Variants in PCDHGB2 observed in about 807,000 individuals in gnomAD.
PCDHGB2 encodes protocadherin gamma subfamily B, 2.
In PCDHGB2, 55 loss-of-function variants were observed where a neutral mutation model predicts 59.3. The ratio of observed to expected loss-of-function variants is 0.93; its 90% CI spans 0.75 to 1.16. PCDHGB2 has a LOEUF of 1.16. Among genes scored for constraint, PCDHGB2 ranks in the 50% most tolerant of loss-of-function variants. The pLI, the probability that PCDHGB2 is intolerant of heterozygous loss-of-function variation, is 0.00. For synonymous variants in PCDHGB2, 516 were observed against 512.0 expected (o/e 1.01, Z -0.11); for missense variants, 1,228 against 1,198.5 (o/e 1.02, Z -0.36).
At chr5:141,398,850 A>G in intron 1 of PCDHGB2, 20 of 1,613,982 alleles carry the variant, frequency 1.2e-5, no homozygotes, top group Non-Finnish European at 1.6e-5. Flanking sequence ...ATCCCCCGGT[A>G]TTCAACCGAG....
At chr5:141,370,145 T>C in intron 1 of PCDHGB2, 1 of 438,916 alleles carries the variant, frequency 2.3e-6, no homozygotes. Context: ...TTAGTCACCA[T>C]TACTGCAGTT....
chr5:141,459,044 A>T (rs2098959649), intron 1 of PCDHGB2, among the ~76,000 whole-genome samples: 1 of 152,204 alleles, frequency 6.6e-6, no homozygotes, highest in Non-Finnish European at 1.5e-5. Flanking sequence ...TACCAGCTAT[A>T]TTGAAGTATA....
chr5:141,394,567 G>A, intron 1 of PCDHGB2: 1 of 1,614,040 alleles, frequency 6.2e-7, no homozygotes, highest in Non-Finnish European at 8.5e-7. Flanking sequence ...GCAGAGCGTG[G>A]CTACCTGGTG....
intron 1 of PCDHGB2, chr5:141,419,816 C>T (rs910172118): frequency 1.2e-6 from 2 of 1,614,058 alleles, no homozygotes; most frequent in Non-Finnish European, 8.5e-7. Context: ...AGGACAGCCA[C>T]CCCTTTCAGC....
rs778198822 is a variant in PCDHGB2, at chr5:141,432,802, A to C, written c.2422-62005A>C. 6.2e-7 allele frequency: 1 copy of C among 1,614,082 alleles called. No homozygotes were observed. The highest frequency in any genetic ancestry group is 1.1e-5 in the South Asian group (1 of 91,076). The stretch of plus-strand genomic sequence containing the variant: ...CGGACCTCGGCAGCCTCGAGTCTCC[A>C]GCTAACTCTGAAACCTCAGACCTCA... On this transcript the variant is annotated intron_variant, in intron 1 of 3. Transcript: ENST00000522605. This position sits in a 1 kb window ranked among gnomAD's most constrained non-coding sequence, Gnocchi z 6.0.
intron 1 of PCDHGB2, chr5:141,399,485 A>G (rs760899297): frequency 4.7e-5 from 76 of 1,613,904 alleles, no homozygotes; most frequent in Non-Finnish European, 6.1e-5. Context: ...CAGGCGTCCT[A>G]CTTAGTCAGT....
chr5:141,491,861 C>A lies in PCDHGB2; in HGVS notation c.2422-2946C>A. ...GGATCATTGGACCGTTTGCGCGAAA[C>A]CAGAGTGGCCGATTAAGGGATGGGG... On this transcript the variant is annotated intron_variant, in intron 1 of 3. Transcript: ENST00000522605. The surrounding 1 kb of genome is among the most constrained non-coding windows in gnomAD (Gnocchi z 6.9). 6.9e-7 allele frequency: 1 copy of A among 1,455,272 alleles called. No homozygotes were observed. The highest frequency in any genetic ancestry group is 9.1e-7 in the Non-Finnish European group (1 of 1,100,930). The allele number at this position is 1,455,272 out of a possible 1,614,324, so 90.1% of individuals were successfully genotyped here.
intron 1 of PCDHGB2, chr5:141,441,650 G>C (rs932742795): frequency 8.4e-6 from 2 of 238,510 alleles, no homozygotes; most frequent in African/African-American, 2.4e-5. Context: ...TGTGATTCTA[G>C]GTGTCCTTGA....
intron 1 of PCDHGB2, chr5:141,475,966 A>T (rs1252698069): frequency 2.3e-6 from 2 of 888,664 alleles, no homozygotes; most frequent in Admixed American, 5.2e-5. Flanking sequence ...GGGATGAGGC[A>T]GAGACTGAAC....
At chr5:141,467,131 C>A (rs1441537783) in intron 1 of PCDHGB2, among the ~76,000 whole-genome samples, 1 of 151,702 alleles carries the variant, frequency 6.6e-6, no homozygotes, top group African/African-American at 2.4e-5. Flanking sequence ...CAGCTCACTG[C>A]AACCTCTGCC....
rs750139205 is a variant in PCDHGB2 at position 141,489,738 on chromosome 5, T to C, written c.2422-5069T>C. Reference sequence around the variant, plus strand: ...AGGATCCGGATGTGGGCACCAATACTGTGAGCTTTTACACTCTAAGCCCCA... The same window carrying C: ...AGGATCCGGATGTGGGCACCAATACCGTGAGCTTTTACACTCTAAGCCCCA... On this transcript the variant is annotated intron_variant, in intron 1 of 3. Coordinates refer to ENST00000522605, the MANE Select transcript of PCDHGB2 (RefSeq NM_018923.3). This position sits in a 1 kb window ranked among gnomAD's most constrained non-coding sequence, Gnocchi z 4.5. 1 of 1,614,168 alleles carries C rather than the reference T, an allele frequency of 6.2e-7. No individual in the cohort carries two copies. Among genetic ancestry groups the C allele is most frequent in the Non-Finnish European group, 8.5e-7 (1 of 1,180,030 alleles).
At position 141,383,787 on chromosome 5, in the gene PCDHGB2, G is replaced by A. The variant is rs773505278; in HGVS notation, c.2421+21231G>A. 12 of 1,613,832 alleles carry A rather than the reference G, an allele frequency of 7.4e-6. No homozygotes were observed. In the South Asian group the frequency reaches 7.7e-5, roughly 10 times the overall value. On this transcript the variant is annotated intron_variant, in intron 1 of 3. Transcript: ENST00000522605. ...TTCCAAAGATGTTTCATCTGAACTC[G>A]CTTACAGGAGAAATATCAACTTTAG...
rs770219250 is a variant in PCDHGB2, at chr5:141,477,852, T to C, written c.2422-16955T>C. Reference sequence around the variant, plus strand: ...CGGCCAGGTGGGAGCTCGGTGGAGATGCTGCCTCGAGGTACCTCAGCTGGC... The same window carrying C: ...CGGCCAGGTGGGAGCTCGGTGGAGACGCTGCCTCGAGGTACCTCAGCTGGC... On this transcript the variant is annotated intron_variant, in intron 1 of 3. Transcript: ENST00000522605. This position sits in a 1 kb window ranked among gnomAD's most constrained non-coding sequence, Gnocchi z 4.9. The C allele has an allele frequency of 6.2e-7, 1 of 1,613,654 alleles. No homozygotes were observed. Among genetic ancestry groups the C allele is most frequent in the Admixed American group, 1.7e-5 (1 of 59,980 alleles).
intron 1 of PCDHGB2, chr5:141,421,565 A>T (rs1373619696): frequency 1.2e-6 from 2 of 1,613,834 alleles, no homozygotes; most frequent in Admixed American, 3.3e-5. Context: ...CTCGTGGAAG[A>T]CACCTTGAAG....
In PCDHGB2 at chr5:141,361,800, C is replaced by A; in HGVS notation, c.1665C>A (p.Leu555=). The A allele has an allele frequency of 6.2e-7, 1 of 1,613,196 alleles. No individual in the cohort carries two copies. The highest frequency in any genetic ancestry group is 8.5e-7 in the Non-Finnish European group (1 of 1,179,744). Residue 555 remains leucine (L), a synonymous_variant, in exon 1 of 4, where the codon CTC becomes CTA. Transcript: ENST00000522605. ...NVSLRVLVGD[L]NDNAPRVLYP... ...GCCTGCGCGTGTTAGTGGGCGACCT[C>A]AATGACAATGCGCCACGGGTGCTGT...
rs1167295957 is a variant in PCDHGB2 at position 141,382,977 on chromosome 5, CT to C, written c.2421+20422del. On this transcript the variant is annotated intron_variant, in intron 1 of 3. Coordinates refer to ENST00000522605, the MANE Select transcript of PCDHGB2 (RefSeq NM_018923.3). Reference sequence around the variant, plus strand: ...TCCTCCTGGGGACCCCCTGGGAAGCCTGGGCAGGACGTATTCTCTACTCCGT... The same window carrying C: ...TCCTCCTGGGGACCCCCTGGGAAGCCGGGCAGGACGTATTCTCTACTCCGT... The C allele has an allele frequency of 4.3e-6, 7 of 1,610,566 alleles. No homozygotes were observed. The South Asian group carries it at 7.7e-5, about 18-fold the overall frequency.
intron 1 of PCDHGB2, chr5:141,371,904 T>C: frequency 2.5e-6 from 4 of 1,613,398 alleles, no homozygotes; most frequent in Non-Finnish European, 3.4e-6. Flanking sequence ...GCTGTCGTCC[T>C]ACGTGTCCGT....
intron 1 of PCDHGB2, chr5:141,387,654 G>A: frequency 1.6e-6 from 1 of 644,700 alleles, no homozygotes. Context: ...AAAGTGGAGA[G>A]CTTGGCGCTC....
chr5:141,472,218 G>A (rs1206861601), intron 1 of PCDHGB2, among the ~76,000 whole-genome samples: 3 of 152,054 alleles, frequency 2.0e-5, no homozygotes, highest in Admixed American at 2.0e-4. Flanking sequence ...CCTTACTCTC[G>A]ATCATATAAT....
Sources: gnomAD v4.1 joint callset for allele counts (sites outside exome capture counted in the v4.1 genomes callset) on GRCh38, gnomAD v4.1.1 for gene constraint, Gnocchi (gnomAD v3.1) non-coding constraint, MANE v1.5 for transcripts, NCBI Gene and HGNC (gene_info 2026-07-23, HGNC 2026-07-21) for gene names.